CPAMD8: variants seen among roughly 807,000 people sequenced by gnomAD.
The protein encoded by CPAMD8 is C3 and PZP like alpha-2-macroglobulin domain containing 8, also known as C3 and PZP-like alpha-2-macroglobulin domain-containing protein 8.
In CPAMD8, 146 loss-of-function variants were observed where a neutral mutation model predicts 224.7. The observed-to-expected ratio is 0.65, with a 90% CI of 0.57 to 0.75. The LOEUF is 0.75. Among genes scored for constraint, CPAMD8 ranks in the 30% least tolerant of loss-of-function variants. The probability of loss-of-function intolerance (pLI) is 0.00; values close to 1 mark genes in which losing one functional copy is unlikely to be tolerated. For missense variants in CPAMD8, 2,301 were observed against 2,537.5 expected (o/e 0.91, Z 2.00); for synonymous variants, 966 against 1,044.6 (o/e 0.92, Z 1.45).
At chr19:16,897,310 G>C (rs1284593574) in intron 39 of CPAMD8, 6 of 21,546 alleles carry the variant, frequency 2.8e-4, no homozygotes, top group African/African-American at 2.8e-3. Flanking sequence ...CCTCAACCCC[G>C]CACCCTCCGC....
At position 16,984,477 on chromosome 19, in the gene CPAMD8, A is replaced by G. The variant is rs139819142; in HGVS notation, c.1396-3791T>C. The stretch of plus-strand genomic sequence containing the variant: ...AAACACAGAGATAAATCATGACCTT[A>G]GATTTGGCAATGGTTTCTTTGAGAT... On this transcript the variant is annotated intron_variant, in intron 13 of 41. Transcript: ENST00000443236. 6.3e-3 allele frequency among the ~76,000 whole-genome samples: 967 copies of G among 152,296 alleles called. 5 individuals carry two copies. The highest frequency in any genetic ancestry group is 0.022 in the African/African-American group (919 of 41,554).
At chr19:16,933,815 GA>G (rs2053611806) in intron 23 of CPAMD8, among the ~76,000 whole-genome samples, 5 of 152,170 alleles carry the variant, frequency 3.3e-5, no homozygotes, top group Admixed American at 3.3e-4. Flanking sequence ...CGAACCATAT[GA>G]TTCTGTTCTT....
intron 18 of CPAMD8, among the ~76,000 whole-genome samples, chr19:16,961,865 C>T (rs1387526417): frequency 6.6e-6 from 1 of 152,208 alleles, no homozygotes; most frequent in Non-Finnish European, 1.5e-5. Flanking sequence ...ATTTGCTGTT[C>T]TGCAGCCTCC....
At chr19:16,963,689 A>T (rs140388525) in intron 18 of CPAMD8, among the ~76,000 whole-genome samples, 14 of 152,104 alleles carry the variant, frequency 9.2e-5, no homozygotes, top group Non-Finnish European at 1.9e-4. Flanking sequence ...TGCACCAAGC[A>T]GACCTAATAG....
intron 13 of CPAMD8, among the ~76,000 whole-genome samples, chr19:16,987,206 A>ATATATATATATATATG (rs1270399487): frequency 7.8e-6 from 1 of 127,902 alleles, no homozygotes; most frequent in Non-Finnish European, 1.6e-5. Flanking sequence ...ATATATATAT[A>ATATATATATATATATG]TATGTATATG....
intron 32 of CPAMD8, 50 bp downstream of exon 32, chr19:16,904,176 A>ACGCCCC: frequency 1.1e-5 from 10 of 937,340 alleles, no homozygotes; most frequent in Non-Finnish European, 1.7e-5. Flanking sequence ...GACTGCAGGG[A>ACGCCCC]CCCCACCCAC....
intron 22 of CPAMD8, among the ~76,000 whole-genome samples, chr19:16,942,017 C>T (rs998180098): frequency 6.6e-6 from 1 of 151,924 alleles, no homozygotes; most frequent in Admixed American, 6.6e-5. Flanking sequence ...AAGCACCTCC[C>T]CTTCCCTCCT....
chr19:16,979,350 T>TCATCCATCCATCTGTCCATC lies in CPAMD8; in HGVS notation c.1585+1127_1585+1146dup, dbSNP rs1411003271. ...TTCATCCAGCCATCCATCTGTCCAT[T>TCATCCATCCATCTGTCCATC]CATCCATCCATCTGTCCATCCATCC... On this transcript the variant is annotated intron_variant, in intron 14 of 41. Coordinates refer to ENST00000443236, the MANE Select transcript of CPAMD8 (RefSeq NM_015692.5). Among the ~76,000 whole-genome samples the TCATCCATCCATCTGTCCATC allele has an allele frequency of 1.1e-3, 149 of 136,084 alleles. 1 individual carries two copies. Among genetic ancestry groups the TCATCCATCCATCTGTCCATC allele is most frequent in the African/African-American group, 4.2e-3 (144 of 33,996 alleles). The allele number at this position is 136,084 out of a possible 152,430, so 89.3% of individuals were successfully genotyped here. A position where few individuals can be genotyped will look rare whatever the true frequency, so the allele number is the denominator to read the frequency against.
intron 7 of CPAMD8, among the ~76,000 whole-genome samples, chr19:17,005,999 C>T (rs1238864274): frequency 6.6e-6 from 1 of 151,802 alleles, no homozygotes; most frequent in Non-Finnish European, 1.5e-5. Flanking sequence ...GAGTCTTGCT[C>T]TTTTGCCCAG....
intron 10 of CPAMD8, among the ~76,000 whole-genome samples, chr19:16,999,596 A>AAGAAAAG (rs1555787681): frequency 6.7e-6 from 1 of 150,082 alleles, no homozygotes; most frequent in Non-Finnish European, 1.5e-5. Flanking sequence ...AAAAAAAAAA[A>AAGAAAAG]AAAAGAAAAG....
In CPAMD8 at chr19:16,937,943, C is replaced by T. The variant is rs183815187; in HGVS notation, c.2845+452G>A. Among the ~76,000 whole-genome samples the T allele has an allele frequency of 1.2e-3, 189 of 152,256 alleles. 2 individuals are homozygous for T. Among genetic ancestry groups the T allele is most frequent in the South Asian group, 3.7e-3 (18 of 4,826 alleles). ...GCTGGGATTATAGGCGTGAGCCTAC[C>T]GCGCCCGGCCAACTTTGTACTTTTA... On this transcript the variant is annotated intron_variant, in intron 23 of 41. Coordinates refer to ENST00000443236, the MANE Select transcript of CPAMD8 (RefSeq NM_015692.5).
At chr19:16,997,017 T>C in intron 11 of CPAMD8, 94 bp downstream of exon 11, 1 of 799,836 alleles carries the variant, frequency 1.3e-6, no homozygotes, top group South Asian at 1.5e-5. Context: ...GGGGATCCGT[T>C]TTCAGCTGAG....
intron 6 of CPAMD8, 40 bp downstream of exon 6, chr19:17,009,263 G>A (rs372587252): frequency 3.7e-6 from 6 of 1,613,886 alleles, no homozygotes; most frequent in African/African-American, 1.3e-5. Flanking sequence ...GGGCTACCCG[G>A]GCCCCAAGTC....
intron 35 of CPAMD8, among the ~76,000 whole-genome samples, chr19:16,902,287 C>T (rs1195211833): frequency 2.6e-5 from 4 of 152,056 alleles, no homozygotes; most frequent in African/African-American, 9.7e-5. Flanking sequence ...GGGGCTGAGG[C>T]GGGCAGATCA....
chr19:16,903,713 G>A lies in CPAMD8; in HGVS notation c.4396C>T (p.Gln1466Ter). 1 of 1,614,202 alleles carries A rather than the reference G, an allele frequency of 6.2e-7. No homozygotes were observed. The highest frequency in any genetic ancestry group is 8.5e-7 in the Non-Finnish European group (1 of 1,180,028). ...CCAGGAACACGCACCGCTGCTGTCT[G>A]CAGAACCTTCTGGTTGGTCCTGTGC... Reference protein sequence around the residue: ...ELHRTNQKVLQTAAIPSLPTG... With the variant: ...ELHRTNQKVL The change falls in exon 33 of 42, where the codon CAG becomes TAG. Residue 1466 changes from glutamine (Q) to a stop codon, truncating the protein, a stop_gained. Transcript: ENST00000443236. LOFTEE classifies it high-confidence loss of function.
rs750749110 is a variant in CPAMD8, at chr19:16,893,083, C to A, written c.*25G>T. The A allele has an allele frequency of 9.3e-7, 1 of 1,078,696 alleles. No individual in the cohort carries two copies. Among genetic ancestry groups the A allele is most frequent in the South Asian group, 1.3e-5 (1 of 79,714 alleles). The allele number at this position is 1,078,696 out of a possible 1,614,324, so 66.8% of individuals were successfully genotyped here. On this transcript the variant is annotated 3_prime_UTR_variant, in exon 42 of 42. Coordinates refer to ENST00000443236, the MANE Select transcript of CPAMD8 (RefSeq NM_015692.5). ...ATGGTCCCCAGGACCAAACTGCGGT[C>A]CCACAACTGCATGTGGTTGTAGGAT...
rs767608583 is a variant in CPAMD8 at position 16,929,113 on chromosome 19, G to A, written c.2973C>T (p.Pro991=). ...TCTCGATCATGCCTGCTGTGTCCTG[G>A]GGCCCAGAAGACAAGGCCACACGGG... ...NDARVALSSG[P]QDTAGMIEIV... is the part of the protein sequence containing the mutation. The change falls in exon 24 of 42, where the codon CCC becomes CCT. Residue 991 remains proline, a synonymous_variant. Coordinates refer to ENST00000443236, the MANE Select transcript of CPAMD8 (RefSeq NM_015692.5). 19 of 1,613,954 alleles carry A rather than the reference G, an allele frequency of 1.2e-5. No homozygotes were observed. Among genetic ancestry groups the A allele is most frequent in the Admixed American group, 5.0e-5 (3 of 59,996 alleles).
chr19:17,004,740 C>T (rs1383552538), intron 7 of CPAMD8, among the ~76,000 whole-genome samples: 2 of 152,200 alleles, frequency 1.3e-5, no homozygotes, highest in South Asian at 2.1e-4. Flanking sequence ...CATTTCCAGC[C>T]TGGGCACTAC....
At chr19:16,908,980 CG>C (rs1267151964) in intron 29 of CPAMD8, among the ~76,000 whole-genome samples, 1 of 151,914 alleles carries the variant, frequency 6.6e-6, no homozygotes, top group Non-Finnish European at 1.5e-5. Context: ...GGACCCAGCC[CG>C]GCCCCAGCTG....
Sources: gnomAD v4.1 joint callset for allele counts (sites outside exome capture counted in the v4.1 genomes callset) on GRCh38, gnomAD v4.1.1 for gene constraint, MANE v1.5 for transcripts, NCBI Gene and HGNC (gene_info 2026-07-23, HGNC 2026-07-21) for gene names.